ANKS1A: variants seen among roughly 807,000 people sequenced by gnomAD.
ANKS1A encodes ankyrin repeat and SAM domain-containing protein 1A.
Under a neutral mutation model 120.3 loss-of-function variants are expected in ANKS1A, and 55 were observed. The observed-to-expected ratio is 0.46, with a 90% CI of 0.37 to 0.57. The LOEUF (loss-of-function observed/expected upper bound fraction) is 0.57. Ranked by LOEUF, ANKS1A falls within the 20% of genes least tolerant of loss-of-function variation. The pLI is 0.00. For synonymous variants in ANKS1A, 590 were observed against 604.7 expected (o/e 0.98, Z 0.36); for missense variants, 1,123 against 1,480.3 (o/e 0.76, Z 3.96).
chr6:34,979,843 C>T (rs1771811314), intron 3 of ANKS1A, among the ~76,000 whole-genome samples: 1 of 152,186 alleles, frequency 6.6e-6, no homozygotes, highest in African/African-American at 2.4e-5. Context: ...TCCTTTTAAA[C>T]TTCTTTGGGT....
chr6:35,097,366 G>A, the ANKS1A span, among the ~76,000 whole-genome samples: 277 of 152,010 alleles, frequency 1.8e-3, 2 homozygotes, highest in African/African-American at 6.4e-3. Flanking sequence ...GAAATTAACC[G>A]GGCATGGTGG....
At chr6:35,003,759 A>C (rs1235891951) in intron 10 of ANKS1A, among the ~76,000 whole-genome samples, 1 of 152,216 alleles carries the variant, frequency 6.6e-6, no homozygotes, top group East Asian at 1.9e-4. Context: ...ACAAGAAGAC[A>C]GAAGTGGCGA....
intron 9 of ANKS1A, among the ~76,000 whole-genome samples, chr6:34,990,302 A>G (rs1772435499): frequency 6.6e-6 from 1 of 152,200 alleles, no homozygotes; most frequent in South Asian, 2.1e-4. Flanking sequence ...TATGCTAGGT[A>G]CAAATTCTGT....
At chr6:35,024,174 G>A (rs1774493647) in intron 11 of ANKS1A, among the ~76,000 whole-genome samples, 1 of 152,174 alleles carries the variant, frequency 6.6e-6, no homozygotes, top group African/African-American at 2.4e-5. Flanking sequence ...GTGTGTTCCT[G>A]CGGCAGAGTC....
At chr6:35,077,696 G>A (rs937122398) in intron 13 of ANKS1A, among the ~76,000 whole-genome samples, 2 of 152,200 alleles carry the variant, frequency 1.3e-5, no homozygotes, top group Non-Finnish European at 2.9e-5. Flanking sequence ...GAAGGAGAGA[G>A]TCAGGCTGCC....
intron 1 of ANKS1A, among the ~76,000 whole-genome samples, chr6:34,899,955 A>C (rs917519004): frequency 2.0e-5 from 3 of 152,242 alleles, no homozygotes; most frequent in African/African-American, 7.2e-5. Context: ...TCAATAGCTC[A>C]GAAATGTTGC....
Position 34,965,393 on chromosome 6 carries a change from C to G in ANKS1A, c.198-1846C>G, listed in dbSNP as rs1306634679. The stretch of plus-strand genomic sequence containing the variant: ...TTGAGATCGAGTCTCACTCTGTCAC[C>G]TAGGCTGGAGTGTAGTGGCACGATC... On this transcript the variant is annotated intron_variant, in intron 1 of 23. Coordinates refer to ENST00000360359, the MANE Select transcript of ANKS1A (RefSeq NM_015245.3). Among the ~76,000 whole-genome samples the G allele has an allele frequency of 2.6e-5, 4 of 152,212 alleles. No individual in the cohort carries two copies. In the East Asian group the frequency reaches 7.7e-4, roughly 29 times the overall value.
At chr6:35,067,705 G>GT (rs1002067934) in intron 13 of ANKS1A, among the ~76,000 whole-genome samples, 1 of 151,972 alleles carries the variant, frequency 6.6e-6, no homozygotes, top group African/African-American at 2.4e-5. Flanking sequence ...TTTTGCTGAA[G>GT]TTTTTTTTCC....
rs551017967 is a variant in ANKS1A, at chr6:34,953,774, A to G, written c.198-13465A>G. On this transcript the variant is annotated intron_variant, in intron 1 of 23. Transcript: ENST00000360359. ...TTGCTACTTGGGAAGGGGGCACAAG[A>G]CAGGCACAGTGCCTGTTGTCATGGA... Among the ~76,000 whole-genome samples the G allele has an allele frequency of 9.4e-4, 143 of 152,248 alleles. 1 individual carries two copies. Among genetic ancestry groups the G allele is most frequent in the African/African-American group, 2.9e-3 (121 of 41,548 alleles).
intron 13 of ANKS1A, among the ~76,000 whole-genome samples, chr6:35,077,921 T>TG (rs1395804593): frequency 1.3e-5 from 2 of 152,214 alleles, no homozygotes; most frequent in African/African-American, 4.8e-5. Context: ...CCCACATCCT[T>TG]GCATCGTGCT....
At chr6:34,972,047 A>G (rs1251965812) in intron 3 of ANKS1A, among the ~76,000 whole-genome samples, 1 of 152,214 alleles carries the variant, frequency 6.6e-6, no homozygotes, top group Non-Finnish European at 1.5e-5. Context: ...GCTTGTAACT[A>G]ATATTCTTCA....
intron 2 of ANKS1A, among the ~76,000 whole-genome samples, chr6:34,967,743 AAC>A (rs1376730816): frequency 6.6e-6 from 1 of 151,992 alleles, no homozygotes; most frequent in African/African-American, 2.4e-5. Flanking sequence ...GGCACTGAGA[AAC>A]AGAGAAAAAC....
intron 11 of ANKS1A, among the ~76,000 whole-genome samples, chr6:35,036,803 A>G (rs913724353): frequency 3.3e-5 from 5 of 152,218 alleles, no homozygotes; most frequent in South Asian, 2.1e-4. Context: ...TCAAAGGGCA[A>G]TTGCAGACCA....
At chr6:34,992,854 T>C (rs927042533) in intron 9 of ANKS1A, among the ~76,000 whole-genome samples, 5 of 152,200 alleles carry the variant, frequency 3.3e-5, no homozygotes, top group African/African-American at 1.2e-4. Flanking sequence ...GTTTCTTGTT[T>C]AGTCTGACGC....
Position 35,017,523 on chromosome 6 carries a change from G to A in ANKS1A, c.1474G>A (p.Asp492Asn). 2 of 1,613,968 alleles carry A rather than the reference G, an allele frequency of 1.2e-6. No homozygotes were observed. The highest frequency in any genetic ancestry group is 1.7e-6 in the Non-Finnish European group (2 of 1,179,956). The change falls in exon 11 of 24, where the codon GAC (aspartate) becomes AAC (asparagine). Residue 492 changes from aspartate to asparagine, a missense_variant. Transcript: ENST00000360359. ...GAGCCAGGACTCTGCGGAGGGGCAGGACGGGCAGGTCCCAGAGCAGTTCTC... is the reference window on the plus strand; with the variant it reads ...GAGCCAGGACTCTGCGGAGGGGCAGAACGGGCAGGTCCCAGAGCAGTTCTC... ...SRSQDSAEGQ[D>N]GQVPEQFSGL...
intron 10 of ANKS1A, among the ~76,000 whole-genome samples, chr6:35,007,187 C>T (rs951818956): frequency 2.6e-5 from 4 of 152,128 alleles, no homozygotes; most frequent in Non-Finnish European, 4.4e-5. Flanking sequence ...TGGCATTTTG[C>T]GCCTGGGGAC....
At chr6:34,924,127 GTA>G (rs1491069280) in intron 1 of ANKS1A, among the ~76,000 whole-genome samples, 6 of 143,572 alleles carry the variant, frequency 4.2e-5, no homozygotes, top group Non-Finnish European at 6.1e-5. Flanking sequence ...GTGTGTGTGT[GTA>G]TTTTTCTTTT....
At chr6:35,095,588 GAA>G (rs1429669898), downstream of ANKS1A, among the ~76,000 whole-genome samples, 5 of 73,178 alleles carry the variant, frequency 6.8e-5, no homozygotes, top group African/African-American at 1.3e-4. Context: ...AAAGACGAAA[GAA>G]AGAGAGAAAG....
chr6:35,003,001 T>C (rs569020123), intron 10 of ANKS1A, among the ~76,000 whole-genome samples: 8 of 147,910 alleles, frequency 5.4e-5, no homozygotes, highest in African/African-American at 2.0e-4. Context: ...TATGTGGACA[T>C]AGAACCTACG....
Sources: gnomAD v4.1 joint callset for allele counts (sites outside exome capture counted in the v4.1 genomes callset) on GRCh38, gnomAD v4.1.1 for gene constraint, MANE v1.5 for transcripts, NCBI Gene and HGNC (gene_info 2026-07-23, HGNC 2026-07-21) for gene names.